Variants in ZFYVE9 observed in about 807,000 individuals in gnomAD.
The protein encoded by ZFYVE9 is zinc finger FYVE-type containing 9.
A neutral mutation model predicts 126.7 loss-of-function variants in ZFYVE9; 43 were observed. The observed-to-expected ratio is 0.34, with a 90% CI of 0.27 to 0.44. ZFYVE9 has a LOEUF of 0.44. Ranked by LOEUF, ZFYVE9 falls within the 20% of genes least tolerant of loss-of-function variation. The pLI, the probability that ZFYVE9 is intolerant of heterozygous loss-of-function variation, is 1.00. For missense variants in ZFYVE9, 1,476 were observed against 1,697.0 expected (o/e 0.87, Z 2.29); for synonymous variants, 521 against 597.4 (o/e 0.87, Z 1.87).
intron 7 of ZFYVE9, among the ~76,000 whole-genome samples, chr1:52,270,373 C>A (rs1244347245): frequency 6.6e-6 from 1 of 152,164 alleles, no homozygotes; most frequent in Non-Finnish European, 1.5e-5. Flanking sequence ...ACGCCATTCT[C>A]CTGCCTCAGT....
At chr1:52,254,349 T>A (rs544482305) in intron 4 of ZFYVE9, among the ~76,000 whole-genome samples, 1 of 149,200 alleles carries the variant, frequency 6.7e-6, no homozygotes, top group South Asian at 2.1e-4. Context: ...ATCTTTAACA[T>A]GTAATAAAGC....
intron 2 of ZFYVE9, among the ~76,000 whole-genome samples, chr1:52,217,539 G>A (rs1243115639): frequency 6.6e-6 from 1 of 152,154 alleles, no homozygotes; most frequent in African/African-American, 2.4e-5. Flanking sequence ...GGTTGGGGAG[G>A]TTTTTGTGAG....
chr1:52,216,581 GT>G (rs970910035), intron 2 of ZFYVE9, 107 bp downstream of exon 2: 5 of 395,642 alleles, frequency 1.3e-5, no homozygotes, highest in African/African-American at 1.0e-4. Context: ...TTATAACATT[GT>G]GTCTTATTAA....
intron 1 of ZFYVE9, among the ~76,000 whole-genome samples, chr1:52,193,342 TAAAAC>T (rs1425548036): frequency 4.1e-5 from 6 of 147,776 alleles, no homozygotes; most frequent in Non-Finnish European, 7.5e-5. Flanking sequence ...TAATTAATTT[TAAAAC>T]AAAAGCATAT....
At chr1:52,225,651 G>A (rs1219161406) in intron 2 of ZFYVE9, among the ~76,000 whole-genome samples, 1 of 152,172 alleles carries the variant, frequency 6.6e-6, no homozygotes, top group Non-Finnish European at 1.5e-5. Context: ...TGGCGGTAAA[G>A]AAGAAACAGT....
chr1:52,222,365 T>G (rs888735030), intron 2 of ZFYVE9, among the ~76,000 whole-genome samples: 1 of 152,224 alleles, frequency 6.6e-6, no homozygotes, highest in Non-Finnish European at 1.5e-5. Context: ...GGCAAACATG[T>G]CCCGACTATC....
chr1:52,156,237 T>A (rs1644402180), intron 1 of ZFYVE9, among the ~76,000 whole-genome samples: 1 of 152,226 alleles, frequency 6.6e-6, no homozygotes, highest in South Asian at 2.1e-4. Context: ...GCATGCTGTG[T>A]ACCCAAGGCT....
chr1:52,205,905 T>C (rs942149670), intron 1 of ZFYVE9, among the ~76,000 whole-genome samples: 2 of 152,188 alleles, frequency 1.3e-5, no homozygotes, highest in Non-Finnish European at 2.9e-5. Context: ...CCTCTTTCCA[T>C]GAATTTATCC....
chr1:52,145,806 A>G (rs753771245), intron 1 of ZFYVE9, among the ~76,000 whole-genome samples: 15 of 152,084 alleles, frequency 9.9e-5, no homozygotes, highest in Non-Finnish European at 2.2e-4. Context: ...TTTTTTATGG[A>G]AAACAATTTC....
chr1:52,309,778 CTGAGTT>C (rs907727487), intron 13 of ZFYVE9, among the ~76,000 whole-genome samples: 1 of 152,018 alleles, frequency 6.6e-6, no homozygotes, highest in African/African-American at 2.4e-5. Context: ...TTTTGGAAAA[CTGAGTT>C]TGGTGGCTAT....
chr1:52,278,434 A>G, intron 8 of ZFYVE9, 58 bp from the exon 9 acceptor site: 2 of 1,598,534 alleles, frequency 1.3e-6, no homozygotes, highest in Non-Finnish European at 1.7e-6. Flanking sequence ...TCTCCATCTG[A>G]TCTCTTTCTT....
chr1:52,203,982 T>A (rs1161342126), intron 1 of ZFYVE9, among the ~76,000 whole-genome samples: 1 of 152,192 alleles, frequency 6.6e-6, no homozygotes, highest in Non-Finnish European at 1.5e-5. Context: ...GTTATAGCCC[T>A]TAGCATATTA....
At chr1:52,156,120 G>A (rs1216240762) in intron 1 of ZFYVE9, among the ~76,000 whole-genome samples, 2 of 152,196 alleles carry the variant, frequency 1.3e-5, no homozygotes, top group Non-Finnish European at 2.9e-5. Flanking sequence ...TAGCCCCAAA[G>A]CAAAACCATG....
intron 1 of ZFYVE9, among the ~76,000 whole-genome samples, chr1:52,196,198 T>C (rs1469884478): frequency 6.6e-6 from 1 of 152,232 alleles, no homozygotes; most frequent in East Asian, 1.9e-4. Context: ...TCTTACCATA[T>C]GCCATGTTAC....
intron 1 of ZFYVE9, among the ~76,000 whole-genome samples, chr1:52,211,965 A>G (rs1271679964): frequency 2.0e-5 from 3 of 152,100 alleles, no homozygotes; most frequent in Non-Finnish European, 4.4e-5. Flanking sequence ...TTATAAGTTT[A>G]TGTAAGAACT....
chr1:52,300,951 C>G (rs554216020), intron 12 of ZFYVE9, among the ~76,000 whole-genome samples: 1 of 151,560 alleles, frequency 6.6e-6, no homozygotes, highest in African/African-American at 2.4e-5. Context: ...CTTCCACCTC[C>G]CGGGCTCAAG....
chr1:52,313,076 G>T (rs577394258), intron 13 of ZFYVE9, among the ~76,000 whole-genome samples: 7 of 152,286 alleles, frequency 4.6e-5, no homozygotes, highest in African/African-American at 1.7e-4. Flanking sequence ...AAGGATAGAG[G>T]CCTGGAAACA....
At chr1:52,149,055 C>T (rs933335297) in intron 1 of ZFYVE9, among the ~76,000 whole-genome samples, 1 of 148,236 alleles carries the variant, frequency 6.7e-6, no homozygotes, top group African/African-American at 2.5e-5. Flanking sequence ...ACCTCCACCT[C>T]CCAGTTCAAA....
intron 13 of ZFYVE9, among the ~76,000 whole-genome samples, chr1:52,314,392 T>C (rs888466876): frequency 6.6e-6 from 1 of 152,184 alleles, no homozygotes; most frequent in Non-Finnish European, 1.5e-5. Flanking sequence ...GTTTTAAAAA[T>C]GAAGGCAGGC....
Sources: allele counts gnomAD v4.1 joint callset (sites outside exome capture counted in the v4.1 genomes callset), GRCh38; gene constraint gnomAD v4.1.1; transcripts MANE v1.5; gene names NCBI Gene and HGNC (gene_info 2026-07-23, HGNC 2026-07-21).